Variants in TG observed in about 807,000 individuals in gnomAD.
TG encodes thyroglobulin.
Under a neutral mutation model 324.7 loss-of-function variants are expected in TG, and 270 were observed. The observed-to-expected ratio is 0.83, with a 90% CI of 0.75 to 0.92. The LOEUF (loss-of-function observed/expected upper bound fraction) is 0.92, where lower values mean the gene tolerates loss of function less well. TG is among the 40% of genes least tolerant of loss of function. TG has a pLI of 0.00. For synonymous variants in TG, 1,401 were observed against 1,327.0 expected (o/e 1.06, Z -1.21); for missense variants, 3,591 against 3,456.4 (o/e 1.04, Z -0.98).
chr8:132,891,389 C>T (rs1816221661), intron 10 of TG, among the ~76,000 whole-genome samples: 1 of 152,164 alleles, frequency 6.6e-6, no homozygotes, highest in African/African-American at 2.4e-5. Flanking sequence ...TGTTGGAGTG[C>T]AGTGGCATGA....
rs1242177969 is a variant in TG, at chr8:133,068,410, T to A, written c.7240-26634T>A. 2.0e-5 allele frequency among the ~76,000 whole-genome samples: 3 copies of A among 152,206 alleles called. No homozygotes were observed. The East Asian group carries it at 5.8e-4, about 29-fold the overall frequency. The stretch of plus-strand genomic sequence containing the variant: ...CCAGAAGGGGATGGAGGTGTCCTAG[T>A]GTACATTTTAAGGTCATTTTAAGAT... On this transcript the variant is annotated intron_variant, in intron 41 of 47. Coordinates refer to ENST00000220616, the MANE Select transcript of TG (RefSeq NM_003235.5).
intron 41 of TG, chr8:133,039,928 T>G: frequency 6.6e-7 from 1 of 1,517,526 alleles, no homozygotes; most frequent in Non-Finnish European, 8.9e-7. Flanking sequence ...CGTTTTGTGC[T>G]CACATGTTCA....
chr8:132,878,615 A>G (rs1814192407), intron 5 of TG, among the ~76,000 whole-genome samples: 1 of 151,116 alleles, frequency 6.6e-6, no homozygotes. Context: ...TCTCAAAAAA[A>G]AAAAACAAAA....
At chr8:132,964,703 A>G in intron 29 of TG, 1 of 587,878 alleles carries the variant, frequency 1.7e-6, no homozygotes, top group Non-Finnish European at 3.0e-6. Flanking sequence ...TGGCTACAGT[A>G]TTCATTCTTT....
At position 132,888,017 on chromosome 8, in the gene TG, C is replaced by T; in HGVS notation, c.2210C>T (p.Ala737Val). Residue 737 changes from alanine (A) to valine (V), a missense_variant, in exon 10 of 48, where the codon GCT becomes GTT. Physicochemically the swap from Ala to Val is moderately conservative, Grantham distance 64. Coordinates refer to ENST00000220616, the MANE Select transcript of TG (RefSeq NM_003235.5). ...PTPCQLQSEQ[A>V]FLRTVQALLS... ...CCCTGTCAATTACAGTCTGAGCAAG[C>T]TTTCCTCAGGACGGTGCAGGCCCTG... 6.2e-7 allele frequency: 1 copy of T among 1,614,128 alleles called. No individual in the cohort carries two copies.
chr8:132,928,631 C>T (rs925835969), intron 22 of TG, among the ~76,000 whole-genome samples: 2 of 152,202 alleles, frequency 1.3e-5, no homozygotes, highest in Non-Finnish European at 2.9e-5. Context: ...GACATGTCTT[C>T]AGATTTACCT....
At position 133,017,874 on chromosome 8, in the gene TG, C is replaced by A. The variant is rs763331647; in HGVS notation, c.6659C>A (p.Thr2220Asn). 6 of 1,614,180 alleles carry A rather than the reference C, an allele frequency of 3.7e-6. No homozygotes were observed. The highest frequency in any genetic ancestry group is 5.1e-6 in the Non-Finnish European group (6 of 1,180,028). The change falls in exon 38 of 48, where the codon ACC becomes AAC. Residue 2220 changes from threonine (T) to asparagine (N), a missense_variant. Physicochemically the swap from Thr to Asn is moderately conservative, Grantham distance 65. Transcript: ENST00000220616. ...LGRSQAIQVG[T>N]SWKQVDQFLG... ...AGGTCCCAGGCCATCCAGGTGGGTA[C>A]CTCATGGAAGCAAGTGGACCAGTTC...
At chr8:132,904,178 C>G (rs188959181) in intron 16 of TG, among the ~76,000 whole-genome samples, 11 of 152,302 alleles carry the variant, frequency 7.2e-5, no homozygotes, top group African/African-American at 2.6e-4. Flanking sequence ...TCCAGCCCCA[C>G]AGAGTTGTTG....
rs146255464 is a variant in TG at position 132,882,905 on chromosome 8, G to A, written c.981G>A (p.Ala327=). 48 of 1,614,184 alleles carry A rather than the reference G, an allele frequency of 3.0e-5. No individual in the cohort carries two copies. In the African/African-American group the frequency reaches 4.5e-4, roughly 15 times the overall value. ...PSCRRNGDYQ[A]VQCQTEGPCW... ...GCCGCCGAAATGGCGACTATCAGGCGGTGCAGTGCCAGACGGAAGGGCCCT... is the reference window on the plus strand; with the variant it reads ...GCCGCCGAAATGGCGACTATCAGGCAGTGCAGTGCCAGACGGAAGGGCCCT... The change falls in exon 8 of 48, where the codon GCG becomes GCA. Residue 327 remains alanine (A), a synonymous_variant. Coordinates refer to ENST00000220616, the MANE Select transcript of TG (RefSeq NM_003235.5).
intron 41 of TG, among the ~76,000 whole-genome samples, chr8:133,033,632 C>T (rs1236250465): frequency 6.6e-6 from 1 of 152,230 alleles, no homozygotes; most frequent in African/African-American, 2.4e-5. Context: ...AGCTATCACC[C>T]TTCTGAGGAA....
intron 31 of TG, 25 bp from the exon 32 acceptor site, chr8:132,969,433 G>A: frequency 6.7e-7 from 1 of 1,488,336 alleles, no homozygotes; most frequent in East Asian, 2.3e-5. Context: ...TCTAAGTAAT[G>A]TATTTTCTTT....
Position 133,075,089 on chromosome 8 carries a change from T to C in TG, c.7240-19955T>C, listed in dbSNP as rs911394570. 1.8e-5 allele frequency: 18 copies of C among 985,480 alleles called. No individual in the cohort carries two copies. The South Asian group carries it at 8.0e-4, about 44-fold the overall frequency. 61.0% of individuals were successfully genotyped at this position (985,480 alleles called of 1,614,324 possible). Reference sequence around the variant, plus strand: ...CAGGGCTTGCAGAAGGGCAGGTTCCTGTTTTCAGTAACCACTCTGAGCAAG... The same window carrying C: ...CAGGGCTTGCAGAAGGGCAGGTTCCCGTTTTCAGTAACCACTCTGAGCAAG... On this transcript the variant is annotated intron_variant, in intron 41 of 47. Transcript: ENST00000220616.
intron 25 of TG, among the ~76,000 whole-genome samples, chr8:132,938,148 A>G (rs1823881595): frequency 6.6e-6 from 1 of 152,214 alleles, no homozygotes; most frequent in South Asian, 2.1e-4. Context: ...GGAGGACAGG[A>G]CACAGTTTCT....
intron 1 of TG, 122 bp from the exon 2 acceptor site, chr8:132,867,993 A>T: frequency 1.2e-6 from 1 of 861,684 alleles, no homozygotes; most frequent in Non-Finnish European, 1.9e-6. Context: ...GCCAAATTTT[A>T]AAATAGGCTG....
At chr8:133,065,713 G>A (rs1184687600) in intron 41 of TG, among the ~76,000 whole-genome samples, 1 of 152,066 alleles carries the variant, frequency 6.6e-6, no homozygotes, top group Non-Finnish European at 1.5e-5. Context: ...AGTGAGTTGA[G>A]ATCAGGCCAT....
At chr8:133,038,214 G>C (rs1030782516) in intron 41 of TG, 2 of 377,574 alleles carry the variant, frequency 5.3e-6, no homozygotes, top group African/African-American at 4.2e-5. Context: ...GCCCTTTCTT[G>C]TGAGAGTGGC....
At chr8:133,119,174 G>T (rs2131791088) in intron 45 of TG, among the ~76,000 whole-genome samples, 1 of 152,294 alleles carries the variant, frequency 6.6e-6, no homozygotes, top group African/African-American at 2.4e-5. Context: ...ATGGTGATTT[G>T]CTACAGCAGC....
intron 41 of TG, among the ~76,000 whole-genome samples, chr8:133,034,970 T>A (rs1471404728): frequency 6.6e-6 from 1 of 152,262 alleles, no homozygotes; most frequent in African/African-American, 2.4e-5. Flanking sequence ...TTCATATTTT[T>A]ATCACATTAG....
At chr8:133,063,860 C>T (rs1842729462) in intron 41 of TG, 1 of 152,196 alleles carries the variant, frequency 6.6e-6, no homozygotes. Flanking sequence ...GAAAATGCCC[C>T]CAGAGAATGA....
Sources: gnomAD v4.1 joint callset for allele counts (sites outside exome capture counted in the v4.1 genomes callset) on GRCh38, gnomAD v4.1.1 for gene constraint, MANE v1.5 for transcripts, NCBI Gene and HGNC (gene_info 2026-07-23, HGNC 2026-07-21) for gene names.